VPS13D: variants seen among roughly 807,000 people sequenced by gnomAD.
VPS13D encodes the protein intermembrane lipid transfer protein VPS13D.
A neutral mutation model predicts 461.9 loss-of-function variants in VPS13D; 187 were observed. The observed-to-expected ratio is 0.40, with a 90% CI of 0.36 to 0.46. The LOEUF is 0.46. Among genes scored for constraint, VPS13D ranks in the 20% least tolerant of loss-of-function variants. The probability of loss-of-function intolerance (pLI) is 0.60; values close to 1 mark genes in which losing one functional copy is unlikely to be tolerated. For synonymous variants in VPS13D, 1,951 were observed against 1,986.3 expected (o/e 0.98, Z 0.47); for missense variants, 4,711 against 5,364.9 (o/e 0.88, Z 3.81).
At chr1:12,480,154 T>C (rs555371901) in intron 67 of VPS13D, among the ~76,000 whole-genome samples, 1 of 152,316 alleles carries the variant, frequency 6.6e-6, no homozygotes, top group Non-Finnish European at 1.5e-5. Flanking sequence ...TACTGCAGCC[T>C]TCCAAGTTCA....
chr1:12,499,310 C>A, intron 68 of VPS13D: 1 of 241,678 alleles, frequency 4.1e-6, no homozygotes, highest in Non-Finnish European at 6.7e-6. Context: ...CAGATAGCTG[C>A]AGTTCAGCAT....
intron 1 of VPS13D, among the ~76,000 whole-genome samples, chr1:12,233,676 G>A (rs1241600959): frequency 6.6e-6 from 1 of 152,212 alleles, no homozygotes; most frequent in African/African-American, 2.4e-5. Context: ...CCCTGAAGCA[G>A]CATCAGAATG....
chr1:12,355,302 T>C (rs1425571513), intron 47 of VPS13D, among the ~76,000 whole-genome samples: 1 of 152,196 alleles, frequency 6.6e-6, no homozygotes, highest in African/African-American at 2.4e-5. Context: ...TTAGTTTGCT[T>C]TAACAGGGTG....
At chr1:12,382,909 ATG>A in intron 57 of VPS13D, 65 bp from the exon 58 acceptor site, 1 of 1,428,230 alleles carries the variant, frequency 7.0e-7, no homozygotes, top group Admixed American at 2.1e-5. Context: ...GTTTGAAATG[ATG>A]TGTTAACTTG....
At position 12,509,142 on chromosome 1, in the gene VPS13D, G is replaced by A; in HGVS notation, c.*118G>A. 1 of 1,263,018 alleles carries A rather than the reference G, an allele frequency of 7.9e-7. No individual in the cohort carries two copies. Among genetic ancestry groups the A allele is most frequent in the East Asian group, 2.5e-5 (1 of 39,412 alleles). 78.2% of individuals were successfully genotyped at this position (1,263,018 alleles called of 1,614,324 possible). ...GAGTCGGGTTTGGGGAAGTTGTCAA[G>A]GAATGAGGGAAAGTAAATCCTCATG... On this transcript the variant is annotated 3_prime_UTR_variant, in exon 70 of 70. Transcript: ENST00000620676.
At chr1:12,306,247 G>A (rs999613678) in intron 26 of VPS13D, among the ~76,000 whole-genome samples, 5 of 152,204 alleles carry the variant, frequency 3.3e-5, no homozygotes, top group Non-Finnish European at 7.3e-5. Context: ...CACAGATGAA[G>A]AGGCAAAGGC....
chr1:12,335,778 A>G lies in VPS13D; in HGVS notation c.8502A>G (p.Lys2834=). The change falls in exon 39 of 70, where the codon AAA becomes AAG. Residue 2834 remains lysine (K), a synonymous_variant. Transcript: ENST00000620676. The part of the protein sequence containing the change: ...CKDDKDIESA[K]SEDWMGSSVD... ...ATGACAAGGACATAGAGTCAGCTAA[A>G]TCAGAAGACTGGATGGGCTCTTCGG... 6.2e-7 allele frequency: 1 copy of G among 1,614,196 alleles called. No homozygotes were observed. The highest frequency in any genetic ancestry group is 8.5e-7 in the Non-Finnish European group (1 of 1,180,012).
chr1:12,278,289 A>AGACG (rs1641676181), intron 19 of VPS13D, among the ~76,000 whole-genome samples: 1 of 152,046 alleles, frequency 6.6e-6, no homozygotes, highest in South Asian at 2.1e-4. Context: ...TGGTTTTTTG[A>AGACG]GACGGAGTTT....
At chr1:12,269,163 A>G (rs368008771) in intron 16 of VPS13D, among the ~76,000 whole-genome samples, 6 of 151,610 alleles carry the variant, frequency 4.0e-5, no homozygotes, top group Non-Finnish European at 8.8e-5. Flanking sequence ...TTTTTATTTC[A>G]TATTGTCATT....
At chr1:12,459,090 C>A (rs528314761) in intron 66 of VPS13D, among the ~76,000 whole-genome samples, 2 of 152,310 alleles carry the variant, frequency 1.3e-5, no homozygotes, top group African/African-American at 4.8e-5. Context: ...CCATAGTGTT[C>A]TTTGAAAATT....
At chr1:12,246,801 A>G (rs900214507) in intron 5 of VPS13D, among the ~76,000 whole-genome samples, 14 of 152,208 alleles carry the variant, frequency 9.2e-5, no homozygotes, top group Non-Finnish European at 1.9e-4. Flanking sequence ...AGTTTGGTCA[A>G]GTCTCTTTGG....
Position 12,277,386 on chromosome 1 carries a change from C to T in VPS13D, c.3798C>T (p.Leu1266=), listed in dbSNP as rs775827400. 1.9e-6 allele frequency: 3 copies of T among 1,614,230 alleles called. No individual in the cohort carries two copies. Among genetic ancestry groups the T allele is most frequent in the South Asian group, 1.1e-5 (1 of 91,086 alleles). The change falls in exon 19 of 70, where the codon CTC becomes CTT. Residue 1266 remains leucine (L), a synonymous_variant. Coordinates refer to ENST00000620676, the MANE Select transcript of VPS13D (RefSeq NM_015378.4). Reference sequence around the variant, plus strand: ...TTGTCAGAATGGAAGATGCAGCCCTCACTGAAGCTTTGAGTTTCACGTTTG... The same window carrying T: ...TTGTCAGAATGGAAGATGCAGCCCTTACTGAAGCTTTGAGTTTCACGTTTG... ...SVFVRMEDAA[L]TEALSFTFVE...
At position 12,354,033 on chromosome 1, in the gene VPS13D, C is replaced by T. The variant is rs772071129; in HGVS notation, c.9491C>T (p.Ser3164Phe). The stretch of plus-strand genomic sequence containing the variant: ...GATTATATGCCCTCAAACATATTTT[C>T]TGACAGTGCAAAACAGATTTTCAGA... ...YPDYMPSNIF[S>F]DSAKQIFRQP... is the part of the protein sequence containing the mutation. Residue 3164 changes from serine to phenylalanine, a missense_variant, in exon 47 of 70, where the codon TCT becomes TTT. Physicochemically the swap from Ser to Phe is radical, Grantham distance 155. Coordinates refer to ENST00000620676, the MANE Select transcript of VPS13D (RefSeq NM_015378.4). 55 of 1,614,064 alleles carry T rather than the reference C, an allele frequency of 3.4e-5. No individual in the cohort carries two copies. Among genetic ancestry groups the T allele is most frequent in the Non-Finnish European group, 4.5e-5 (53 of 1,180,042 alleles).
At chr1:12,402,049 C>G (rs1251030158) in intron 62 of VPS13D, among the ~76,000 whole-genome samples, 2 of 152,142 alleles carry the variant, frequency 1.3e-5, no homozygotes, top group African/African-American at 2.4e-5. Context: ...TTTAGCAAAC[C>G]ATTTTGTTTC....
chr1:12,416,459 T>C (rs1644795279), intron 64 of VPS13D, among the ~76,000 whole-genome samples: 1 of 152,210 alleles, frequency 6.6e-6, no homozygotes, highest in Non-Finnish European at 1.5e-5. Context: ...GATATGTGTA[T>C]TGGGAGAAGC....
At chr1:12,251,982 T>C (rs1031839348) in intron 6 of VPS13D, among the ~76,000 whole-genome samples, 4 of 152,144 alleles carry the variant, frequency 2.6e-5, no homozygotes, top group African/African-American at 9.7e-5. Flanking sequence ...CCCATGCGTC[T>C]CTCCTTGTCT....
intron 57 of VPS13D, among the ~76,000 whole-genome samples, chr1:12,381,930 CTTT>C (rs1259321829): frequency 3.4e-4 from 27 of 78,570 alleles, no homozygotes; most frequent in South Asian, 4.6e-4. Flanking sequence ...TCTTTTCTTT[CTTT>C]CTTTCTTTCT....
At chr1:12,344,221 C>G (rs1347011229) in intron 42 of VPS13D, among the ~76,000 whole-genome samples, 2 of 152,188 alleles carry the variant, frequency 1.3e-5, no homozygotes, top group African/African-American at 4.8e-5. Flanking sequence ...TATTTGTTTT[C>G]AAGCTGAGCT....
Position 12,283,270 on chromosome 1 carries a change from G to T in VPS13D, c.5168G>T (p.Arg1723Leu). ...AATGTGGAATATCCTGATATGCCTC[G>T]GTCTCTCCCTTCCCACATGGAAGAA... The part of the protein sequence containing the change: ...VSNVEYPDMP[R>L]SLPSHMEEAP... The change falls in exon 21 of 70, where the codon CGG becomes CTG. Residue 1723 changes from arginine (R) to leucine (L), a missense_variant. Arg to Leu is a moderately radical substitution (Grantham distance 102). Coordinates refer to ENST00000620676, the MANE Select transcript of VPS13D (RefSeq NM_015378.4). The T allele has an allele frequency of 6.2e-7, 1 of 1,613,924 alleles. No individual in the cohort carries two copies. Among genetic ancestry groups the T allele is most frequent in the African/African-American group, 1.3e-5 (1 of 74,964 alleles).
Sources: allele counts gnomAD v4.1 joint callset (sites outside exome capture counted in the v4.1 genomes callset), GRCh38; gene constraint gnomAD v4.1.1; transcripts MANE v1.5; gene names NCBI Gene and HGNC (gene_info 2026-07-23, HGNC 2026-07-21).